ST6GALNAC3: variants seen among roughly 807,000 people sequenced by gnomAD.
ST6GALNAC3 encodes the protein alpha-N-acetylgalactosaminide alpha-2,6-sialyltransferase 3.
In ST6GALNAC3, 25 loss-of-function variants were observed where a neutral mutation model predicts 32.7. The ratio of observed to expected loss-of-function variants is 0.76; its 90% CI spans 0.56 to 1.07. ST6GALNAC3 has a LOEUF of 1.07. ST6GALNAC3 is among the 50% of genes least tolerant of loss of function. ST6GALNAC3 has a pLI of 0.00. For synonymous variants in ST6GALNAC3, 129 were observed against 133.1 expected, an observed-to-expected ratio of 0.97 and a Z score of 0.21; for missense variants, 355 against 382.4, an observed-to-expected ratio of 0.93 and a Z score of 0.60.
intron 2 of ST6GALNAC3, among the ~76,000 whole-genome samples, chr1:76,394,859 G>T (rs1652824453): frequency 6.6e-6 from 1 of 152,128 alleles, no homozygotes; most frequent in Non-Finnish European, 1.5e-5. Flanking sequence ...CTTTGTTTCA[G>T]CAGTGACTCA....
At chr1:76,125,876 C>T (rs897463235) in intron 1 of ST6GALNAC3, among the ~76,000 whole-genome samples, 1 of 152,142 alleles carries the variant, frequency 6.6e-6, no homozygotes, top group Non-Finnish European at 1.5e-5. Context: ...TGACACTCAC[C>T]ACACCAATCT....
At chr1:76,386,905 T>C (rs1166411188) in intron 2 of ST6GALNAC3, among the ~76,000 whole-genome samples, 1 of 152,138 alleles carries the variant, frequency 6.6e-6, no homozygotes. Flanking sequence ...TTCTAAAAAG[T>C]TAAACATGGA....
chr1:76,436,269 A>G (rs978828524), intron 3 of ST6GALNAC3, among the ~76,000 whole-genome samples: 2 of 152,158 alleles, frequency 1.3e-5, no homozygotes, highest in East Asian at 3.9e-4. Context: ...GATAGATTAA[A>G]GGACAGCTGA....
chr1:76,456,952 C>A (rs1474963758), intron 3 of ST6GALNAC3, among the ~76,000 whole-genome samples: 1 of 152,068 alleles, frequency 6.6e-6, no homozygotes, highest in Non-Finnish European at 1.5e-5. Context: ...ATCTAGAAAA[C>A]CCCATTGTCT....
rs748691873 is a variant in ST6GALNAC3 at position 76,075,545 on chromosome 1, G to GC, written c.18+663dup. On this transcript the variant is annotated intron_variant, in intron 1 of 4. Coordinates refer to ENST00000328299, the MANE Select transcript of ST6GALNAC3 (RefSeq NM_152996.4). ...TTTATGCTCTGCCAGAGTGCGCTCA[G>GC]CCATCCCTTCTTTGTTGAGTTTTCT... 1.8e-4 allele frequency among the ~76,000 whole-genome samples: 27 copies of GC among 152,296 alleles called. No homozygotes were observed. In the Middle Eastern group the frequency reaches 0.01, roughly 58 times the overall value.
At chr1:76,225,856 C>G (rs1656036183) in intron 1 of ST6GALNAC3, among the ~76,000 whole-genome samples, 1 of 152,080 alleles carries the variant, frequency 6.6e-6, no homozygotes, top group African/African-American at 2.4e-5. Context: ...GCTTTTTCTA[C>G]TCAGCTTAGG....
At chr1:76,409,552 A>G (rs1654069769) in intron 2 of ST6GALNAC3, among the ~76,000 whole-genome samples, 1 of 151,928 alleles carries the variant, frequency 6.6e-6, no homozygotes, top group Non-Finnish European at 1.5e-5. Flanking sequence ...AAAAAAACAG[A>G]TAATAGCTAA....
Position 76,441,247 on chromosome 1 carries a change from A to G in ST6GALNAC3, c.623+28830A>G, listed in dbSNP as rs370489503. Among the ~76,000 whole-genome samples, 17 of 152,248 alleles carry G rather than the reference A, an allele frequency of 1.1e-4. No individual in the cohort carries two copies. In the East Asian group the frequency reaches 2.5e-3, roughly 22 times the overall value. On this transcript the variant is annotated intron_variant, in intron 3 of 4. Transcript: ENST00000328299. ...AAATATCATTTACTGGGCCCTTACTATATGTCAAGCATATATTATATTACT... is the reference window on the plus strand; with the variant it reads ...AAATATCATTTACTGGGCCCTTACTGTATGTCAAGCATATATTATATTACT...
intron 2 of ST6GALNAC3, among the ~76,000 whole-genome samples, chr1:76,380,991 C>T (rs1171751275): frequency 6.6e-6 from 1 of 151,838 alleles, no homozygotes; most frequent in Non-Finnish European, 1.5e-5. Flanking sequence ...AAATGTGTTC[C>T]TCAGAGCTGA....
intron 1 of ST6GALNAC3, among the ~76,000 whole-genome samples, chr1:76,281,479 T>C (rs1362002826): frequency 6.6e-6 from 1 of 152,186 alleles, no homozygotes; most frequent in African/African-American, 2.4e-5. Flanking sequence ...GGGTAGCTCC[T>C]CCAGCAGTGT....
intron 1 of ST6GALNAC3, 129 bp downstream of exon 1, chr1:76,075,013 G>A: frequency 7.9e-7 from 1 of 1,269,714 alleles, no homozygotes; most frequent in Non-Finnish European, 1.1e-6. Flanking sequence ...TTTTCTTTTT[G>A]TTCCTTTGGC....
At chr1:76,178,654 G>A (rs138260944) in intron 1 of ST6GALNAC3, among the ~76,000 whole-genome samples, 1 of 152,268 alleles carries the variant, frequency 6.6e-6, no homozygotes. Context: ...GGTGGAGGGA[G>A]TAGGAGGGAG....
chr1:76,188,245 C>A (rs1557682822), intron 1 of ST6GALNAC3, among the ~76,000 whole-genome samples: 1 of 151,932 alleles, frequency 6.6e-6, no homozygotes. Context: ...GCCTGTAATC[C>A]CAGTTACTCA....
At chr1:76,211,501 G>A (rs1655156956) in intron 1 of ST6GALNAC3, among the ~76,000 whole-genome samples, 1 of 152,142 alleles carries the variant, frequency 6.6e-6, no homozygotes. Context: ...GTTTATTGAG[G>A]CACTATTCAC....
At chr1:76,424,016 C>T (rs1308202019) in intron 3 of ST6GALNAC3, among the ~76,000 whole-genome samples, 9 of 151,814 alleles carry the variant, frequency 5.9e-5, no homozygotes, top group Non-Finnish European at 1.0e-4. Context: ...ACAAAAGCTC[C>T]GAAGGTAAAT....
At chr1:76,421,781 A>G (rs1177646262) in intron 3 of ST6GALNAC3, among the ~76,000 whole-genome samples, 4 of 152,044 alleles carry the variant, frequency 2.6e-5, no homozygotes, top group African/African-American at 4.8e-5. Context: ...ATAAATTTGT[A>G]TATAGACTAA....
intron 1 of ST6GALNAC3, among the ~76,000 whole-genome samples, chr1:76,092,680 A>G (rs940858987): frequency 5.9e-5 from 9 of 152,192 alleles, no homozygotes; most frequent in Non-Finnish European, 1.0e-4. Context: ...TTCTGCAATT[A>G]TTGTCGTAGA....
In ST6GALNAC3 at chr1:76,412,226, C is replaced by T. The variant is rs369274126; in HGVS notation, c.432C>T (p.Phe144=). 42 of 1,613,528 alleles carry T rather than the reference C, an allele frequency of 2.6e-5. No homozygotes were observed. The highest frequency in any genetic ancestry group is 3.2e-5 in the Non-Finnish European group (38 of 1,179,810). ...PLLLKNPDYF[F]KEANTTIYVI... Reference sequence around the variant, plus strand: ...TGCTAAAAAACCCTGATTATTTTTTCAAGGAAGCGAATACTACTATTTATG... The same window carrying T: ...TGCTAAAAAACCCTGATTATTTTTTTAAGGAAGCGAATACTACTATTTATG... The change falls in exon 3 of 5, where the codon TTC becomes TTT. Residue 144 remains phenylalanine (F), a synonymous_variant. Transcript: ENST00000328299.
chr1:76,277,577 CAT>C (rs1491226809), intron 1 of ST6GALNAC3, among the ~76,000 whole-genome samples: 1 of 52,012 alleles, frequency 1.9e-5, no homozygotes, highest in Non-Finnish European at 3.5e-5. Flanking sequence ...TACACACACA[CAT>C]ATGTTTATGT....
Sources: allele counts gnomAD v4.1 joint callset (sites outside exome capture counted in the v4.1 genomes callset), GRCh38; gene constraint gnomAD v4.1.1; transcripts MANE v1.5; gene names NCBI Gene and HGNC (gene_info 2026-07-23, HGNC 2026-07-21).